ARFIP1: variants seen among roughly 807,000 people sequenced by gnomAD.
ARFIP1 encodes arfaptin-1.
Under a neutral mutation model 42.5 loss-of-function variants are expected in ARFIP1, and 24 were observed. The ratio of observed to expected loss-of-function variants is 0.57; its 90% CI spans 0.41 to 0.80. ARFIP1 has a LOEUF of 0.80. Among genes scored for constraint, ARFIP1 ranks in the 30% least tolerant of loss-of-function variants. The pLI, the probability that ARFIP1 is intolerant of heterozygous loss-of-function variation, is 0.00. For synonymous variants in ARFIP1, 141 were observed against 153.7 expected, an observed-to-expected ratio of 0.92 and a Z score of 0.61; for missense variants, 354 against 434.0, an observed-to-expected ratio of 0.82 and a Z score of 1.64.
At chr4:152,841,356 G>C (rs1732058888) in intron 2 of ARFIP1, among the ~76,000 whole-genome samples, 1 of 152,166 alleles carries the variant, frequency 6.6e-6, no homozygotes, top group Admixed American at 6.5e-5. Context: ...TTTAAGTAGA[G>C]CATTTAGACC....
At position 152,864,389 on chromosome 4, in the gene ARFIP1, T is replaced by C. The variant is rs533428727; in HGVS notation, c.202+675T>C. Among the ~76,000 whole-genome samples the C allele has an allele frequency of 2.0e-5, 3 of 152,342 alleles. No individual in the cohort carries two copies. In the East Asian group the frequency reaches 5.8e-4, roughly 29 times the overall value. On this transcript the variant is annotated intron_variant, in intron 3 of 8. Transcript: ENST00000353617. Reference sequence around the variant, plus strand: ...GGACTTACATAGTGACACTCATGGCTATGATTTATTGTAATGAGAGTAGCA... The same window carrying C: ...GGACTTACATAGTGACACTCATGGCCATGATTTATTGTAATGAGAGTAGCA...
At chr4:152,799,115 T>C (rs1051391070) in intron 1 of ARFIP1, among the ~76,000 whole-genome samples, 5 of 152,244 alleles carry the variant, frequency 3.3e-5, no homozygotes, top group Admixed American at 2.0e-4. Flanking sequence ...AATGATCTTA[T>C]GAAATTAATT....
At chr4:152,791,245 C>T (rs1399298250) in intron 1 of ARFIP1, among the ~76,000 whole-genome samples, 1 of 152,032 alleles carries the variant, frequency 6.6e-6, no homozygotes, top group Non-Finnish European at 1.5e-5. Flanking sequence ...GTGTGGTAAG[C>T]CATTTCCATT....
chr4:152,877,877 G>A (rs926575639), intron 5 of ARFIP1, among the ~76,000 whole-genome samples: 4 of 152,116 alleles, frequency 2.6e-5, no homozygotes, highest in Non-Finnish European at 5.9e-5. Context: ...TGTAAGAAGT[G>A]CCTTTTGCCT....
At chr4:152,866,182 G>A (rs940577297) in intron 3 of ARFIP1, among the ~76,000 whole-genome samples, 25 of 152,272 alleles carry the variant, frequency 1.6e-4, no homozygotes, top group Admixed American at 9.2e-4. Context: ...GCACAGGGTT[G>A]GGGGTAAGGT....
intron 2 of ARFIP1, among the ~76,000 whole-genome samples, chr4:152,836,032 A>G (rs751741296): frequency 6.6e-6 from 1 of 152,158 alleles, no homozygotes; most frequent in Non-Finnish European, 1.5e-5. Context: ...TGCCCTCATG[A>G]TCCAGTCACC....
intron 8 of ARFIP1, among the ~76,000 whole-genome samples, chr4:152,908,274 A>G (rs1738534681): frequency 6.6e-6 from 1 of 152,198 alleles, no homozygotes; most frequent in Admixed American, 6.5e-5. Context: ...TTTTCCCAGT[A>G]TGTAGCTTAT....
In ARFIP1 at chr4:152,904,575, T is replaced by C. The variant is rs564391810; in HGVS notation, c.967-5489T>C. Among the ~76,000 whole-genome samples, 5 of 152,170 alleles carry C rather than the reference T, an allele frequency of 3.3e-5. No homozygotes were observed. In the South Asian group the frequency reaches 1.0e-3, roughly 32 times the overall value. ...CCGGCAACCCCCCGACAGGCCCCAG[T>C]GTGTGTTGATCTCCTCCCTGAGTCC... is the stretch of plus-strand genomic sequence containing the variant. On this transcript the variant is annotated intron_variant, in intron 8 of 8. Transcript: ENST00000353617.
rs1735954942 is a variant in ARFIP1 at position 152,882,848 on chromosome 4, A to G, written c.759A>G (p.Thr253=). ...NTLVNKTIED[T]LMTVKQYESA... ...TGGTGAATAAAACCATTGAAGATAC[A>G]TTAATGACTGTGAAACAGTATGAAA... Residue 253 remains threonine, a synonymous_variant, in exon 7 of 9, where the codon ACA becomes ACG. Coordinates refer to ENST00000353617, the MANE Select transcript of ARFIP1 (RefSeq NM_001025595.3). 1 of 1,610,648 alleles carries G rather than the reference A, an allele frequency of 6.2e-7. No homozygotes were observed.
At chr4:152,850,517 G>A (rs987764237) in intron 2 of ARFIP1, 5 of 151,954 alleles carry the variant, frequency 3.3e-5, no homozygotes, top group African/African-American at 1.2e-4. Context: ...GGGGGGTTGG[G>A]TAGGGGCAGA....
chr4:152,877,658 T>G (rs1387244088), intron 5 of ARFIP1, among the ~76,000 whole-genome samples: 2 of 152,000 alleles, frequency 1.3e-5, no homozygotes, highest in East Asian at 1.9e-4. Flanking sequence ...ATGATATGGT[T>G]TGGTTGTGTC....
intron 1 of ARFIP1, among the ~76,000 whole-genome samples, chr4:152,794,010 T>G (rs1731284372): frequency 6.6e-6 from 1 of 152,172 alleles, no homozygotes; most frequent in South Asian, 2.1e-4. Context: ...TTTCTTACTG[T>G]TTTTAAAAAA....
chr4:152,895,249 G>A (rs1737211038), intron 8 of ARFIP1, among the ~76,000 whole-genome samples: 1 of 152,198 alleles, frequency 6.6e-6, no homozygotes. Context: ...TGGAAATGGA[G>A]TGAACTGAAG....
intron 1 of ARFIP1, among the ~76,000 whole-genome samples, chr4:152,818,976 T>G (rs532665628): frequency 6.6e-6 from 1 of 152,286 alleles, no homozygotes; most frequent in Admixed American, 6.5e-5. Context: ...TGCTCGTACC[T>G]GGGGAGCCAG....
rs1205612033 is a variant in ARFIP1 at position 152,910,874 on chromosome 4, A to C, written c.*655A>C. The C allele has an allele frequency of 1.3e-5, 2 of 152,400 alleles. No homozygotes were observed. The highest frequency in any genetic ancestry group is 2.9e-5 in the Non-Finnish European group (2 of 68,018). The allele number at this position is 152,400 out of a possible 1,614,324, so 9.4% of individuals were successfully genotyped here. ...TTTCTGTGAGGCTTTTAAGCTTATG[A>C]ATTTGCTTCACCCGAAGTCATTGGA... On this transcript the variant is annotated 3_prime_UTR_variant, in exon 9 of 9. Coordinates refer to ENST00000353617, the MANE Select transcript of ARFIP1 (RefSeq NM_001025595.3).
intron 8 of ARFIP1, among the ~76,000 whole-genome samples, chr4:152,905,630 G>T (rs1157398694): frequency 7.8e-6 from 1 of 128,508 alleles, no homozygotes; most frequent in Non-Finnish European, 1.6e-5. Flanking sequence ...CGGGCTCACC[G>T]CAGTCTCCAC....
chr4:152,790,830 T>C (rs1355840615), intron 1 of ARFIP1, among the ~76,000 whole-genome samples: 1 of 150,280 alleles, frequency 6.7e-6, no homozygotes, highest in Non-Finnish European at 1.5e-5. Context: ...GCCTCCCAGG[T>C]TAAGCGATCC....
intron 1 of ARFIP1, among the ~76,000 whole-genome samples, chr4:152,797,332 G>A (rs1392479044): frequency 6.6e-6 from 1 of 152,158 alleles, no homozygotes; most frequent in South Asian, 2.1e-4. Flanking sequence ...GCCTATTTAT[G>A]TGCTAGTCCC....
intron 1 of ARFIP1, chr4:152,796,636 T>C: frequency 2.3e-6 from 2 of 886,812 alleles, no homozygotes; most frequent in Non-Finnish European, 3.7e-6. Flanking sequence ...TCTCTTTTCA[T>C]GCATCTTGAT....
Sources: allele counts gnomAD v4.1 joint callset (sites outside exome capture counted in the v4.1 genomes callset), GRCh38; gene constraint gnomAD v4.1.1; transcripts MANE v1.5; gene names NCBI Gene and HGNC (gene_info 2026-07-23, HGNC 2026-07-21).